The following CNTNAP2 variants were observed in gnomAD, a reference collection of about 807,000 sequenced individuals.
CNTNAP2 encodes contactin associated protein 2, also known as contactin-associated protein-like 2.
Under a neutral mutation model 155.2 loss-of-function variants are expected in CNTNAP2, and 98 were observed. That is an observed-to-expected ratio of 0.63 (90% CI 0.54 to 0.75). The LOEUF is 0.75. Ranked by LOEUF, CNTNAP2 falls within the 30% of genes least tolerant of loss-of-function variation. The pLI is 0.00. For synonymous variants in CNTNAP2, 651 were observed against 631.2 expected (o/e 1.03, Z -0.47); for missense variants, 1,727 against 1,688.1 (o/e 1.02, Z -0.40).
intron 1 of CNTNAP2, among the ~76,000 whole-genome samples, chr7:146,444,377 T>C (rs765678269): frequency 1.3e-5 from 2 of 152,076 alleles, no homozygotes; most frequent in Non-Finnish European, 2.9e-5. Flanking sequence ...AATCAGAAAT[T>C]TGTATAGTGT....
intron 4 of CNTNAP2, among the ~76,000 whole-genome samples, chr7:147,045,401 A>G (rs951898868): frequency 6.6e-6 from 1 of 152,210 alleles, no homozygotes; most frequent in African/African-American, 2.4e-5. Context: ...ATTAGCTATA[A>G]TAGTGCCCGA....
chr7:147,859,939 A>G (rs1453416500), intron 13 of CNTNAP2, among the ~76,000 whole-genome samples: 2 of 152,168 alleles, frequency 1.3e-5, no homozygotes, highest in South Asian at 4.1e-4. Context: ...TGATATTGCA[A>G]ACTGGCAATA....
At chr7:147,940,560 G>A (rs936465369) in intron 14 of CNTNAP2, among the ~76,000 whole-genome samples, 1 of 151,976 alleles carries the variant, frequency 6.6e-6, no homozygotes, top group African/African-American at 2.4e-5. Flanking sequence ...TTGAGACACA[G>A]TCTAACTCTG....
At chr7:148,009,666 A>C (rs184786923) in intron 15 of CNTNAP2, among the ~76,000 whole-genome samples, 79 of 152,238 alleles carry the variant, frequency 5.2e-4, no homozygotes, top group Non-Finnish European at 7.4e-5. Flanking sequence ...TATGTTTTGC[A>C]TATTTTCAAA....
intron 21 of CNTNAP2, among the ~76,000 whole-genome samples, chr7:148,323,305 T>C (rs1443148622): frequency 7.2e-6 from 1 of 138,688 alleles, no homozygotes; most frequent in Non-Finnish European, 1.6e-5. Context: ...TTTTTTTTTT[T>C]TTTTTTTTTT....
intron 3 of CNTNAP2, among the ~76,000 whole-genome samples, chr7:146,930,873 C>T (rs950326601): frequency 6.6e-6 from 1 of 152,154 alleles, no homozygotes; most frequent in African/African-American, 2.4e-5. Context: ...ATTAATTCAA[C>T]AAGAAGAGCT....
chr7:147,562,332 G>T lies in CNTNAP2; in HGVS notation c.1897+75G>T. On this transcript the variant is annotated intron_variant, in intron 12 of 23. Transcript: ENST00000361727. ...GAATAAGTAGTTCCACCAATGGTTT[G>T]TTTCTTTGGTGCTATGTTTTTATCA... 1.9e-6 allele frequency: 3 copies of T among 1,586,676 alleles called. No individual in the cohort carries two copies. The South Asian group carries it at 3.3e-5, about 18-fold the overall frequency.
At chr7:148,215,223 C>T (rs1157806136) in intron 18 of CNTNAP2, among the ~76,000 whole-genome samples, 6 of 152,066 alleles carry the variant, frequency 3.9e-5, no homozygotes, top group Non-Finnish European at 8.8e-5. Flanking sequence ...CCATAGTTAA[C>T]TACATGCATA....
intron 1 of CNTNAP2, among the ~76,000 whole-genome samples, chr7:146,765,661 A>G (rs193265537): frequency 6.6e-6 from 1 of 152,338 alleles, no homozygotes; most frequent in East Asian, 1.9e-4. Flanking sequence ...TAAAGAAATT[A>G]AAAACAAACC....
At chr7:146,375,233 T>A (rs1795289255) in intron 1 of CNTNAP2, among the ~76,000 whole-genome samples, 1 of 152,234 alleles carries the variant, frequency 6.6e-6, no homozygotes, top group Non-Finnish European at 1.5e-5. Context: ...GCTTTTACTT[T>A]CCTGGTTGAA....
chr7:146,963,663 G>A (rs1209153359), intron 3 of CNTNAP2, among the ~76,000 whole-genome samples: 1 of 151,646 alleles, frequency 6.6e-6, no homozygotes, highest in Non-Finnish European at 1.5e-5. Context: ...TTTAAAACAG[G>A]GCATAATAAG....
chr7:148,253,720 G>A (rs1398507995), intron 20 of CNTNAP2, among the ~76,000 whole-genome samples: 1 of 152,184 alleles, frequency 6.6e-6, no homozygotes, highest in Non-Finnish European at 1.5e-5. Context: ...TGCTCTGGGT[G>A]GCCCATGGGA....
chr7:146,689,696 C>T (rs545518105), intron 1 of CNTNAP2, among the ~76,000 whole-genome samples: 4 of 152,210 alleles, frequency 2.6e-5, no homozygotes, highest in African/African-American at 9.6e-5. Flanking sequence ...ATTATTAAAG[C>T]AATCTGATAA....
chr7:146,376,581 T>A (rs1441730901), intron 1 of CNTNAP2, among the ~76,000 whole-genome samples: 1 of 152,068 alleles, frequency 6.6e-6, no homozygotes, highest in Non-Finnish European at 1.5e-5. Context: ...CATCTGCATG[T>A]ATTGTTATTG....
chr7:147,144,156 G>A (rs974609809), intron 8 of CNTNAP2, among the ~76,000 whole-genome samples: 5 of 152,090 alleles, frequency 3.3e-5, no homozygotes, highest in African/African-American at 1.2e-4. Flanking sequence ...TTTGTTAAGT[G>A]AAATGGCATC....
At chr7:146,960,076 T>C (rs1446111589) in intron 3 of CNTNAP2, among the ~76,000 whole-genome samples, 1 of 152,154 alleles carries the variant, frequency 6.6e-6, no homozygotes, top group Non-Finnish European at 1.5e-5. Flanking sequence ...TTCTCGCCAG[T>C]CTTGCAGGCC....
chr7:147,865,623 G>C (rs34463337), intron 13 of CNTNAP2, among the ~76,000 whole-genome samples: 90,306 of 151,924 alleles, frequency 0.59, 27,105 homozygotes, highest in Middle Eastern at 0.7. Flanking sequence ...TTGGTCTATT[G>C]AGAGATTCAA....
At position 146,818,514 on chromosome 7, in the gene CNTNAP2, GTCTTTTGT is replaced by G. The variant is rs1237316185; in HGVS notation, c.209-21195_209-21188del. Among the ~76,000 whole-genome samples the G allele has an allele frequency of 1.3e-3, 204 of 152,140 alleles. 1 individual carries two copies. The highest frequency in any genetic ancestry group is 4.6e-3 in the African/African-American group (193 of 41,516). On this transcript the variant is annotated intron_variant, in intron 2 of 23. Coordinates refer to ENST00000361727, the MANE Select transcript of CNTNAP2 (RefSeq NM_014141.6). ...TGTCAAGTGTTTGCAACCTTTAGGG[GTCTTTTGT>G]TTTAAATACCTCCATGGAAAAAGAA...
chr7:146,680,609 CCATT>C (rs1800484850), intron 1 of CNTNAP2, among the ~76,000 whole-genome samples: 5 of 152,150 alleles, frequency 3.3e-5, no homozygotes. Flanking sequence ...AAAATACAAA[CCATT>C]CAAACCCTCT....
Sources: gnomAD v4.1 joint callset for allele counts (sites outside exome capture counted in the v4.1 genomes callset) on GRCh38, gnomAD v4.1.1 for gene constraint, MANE v1.5 for transcripts, NCBI Gene and HGNC (gene_info 2026-07-23, HGNC 2026-07-21) for gene names.